RIC1: variants seen among roughly 807,000 people sequenced by gnomAD.
The protein encoded by RIC1 is RIC1 partner of RAB6A GEF complex.
RIC1 carries 88 observed loss-of-function variants against 169.0 expected under a neutral mutation model. The ratio of observed to expected loss-of-function variants is 0.52; its 90% CI spans 0.44 to 0.62. The LOEUF (loss-of-function observed/expected upper bound fraction) is 0.62. Among genes scored for constraint, RIC1 ranks in the 20% least tolerant of loss-of-function variants. RIC1 has a pLI of 0.00. For synonymous variants in RIC1, 790 were observed against 601.5 expected (o/e 1.31, Z -4.59); for missense variants, 1,877 against 1,725.5 (o/e 1.09, Z -1.56).
At chr9:5,702,580 C>A (rs1009599061) in intron 3 of RIC1, among the ~76,000 whole-genome samples, 3 of 152,090 alleles carry the variant, frequency 2.0e-5, no homozygotes, top group Admixed American at 2.0e-4. Flanking sequence ...CACTCTGTTG[C>A]CAGGCTGGAG....
At chr9:5,768,851 C>G in intron 21 of RIC1, 119 bp from the exon 22 acceptor site, 1 of 1,087,848 alleles carries the variant, frequency 9.2e-7, no homozygotes, top group South Asian at 1.6e-5. Context: ...CATTGTCAAT[C>G]AGAATTAGAT....
chr9:5,680,717 C>T (rs1028310859), intron 2 of RIC1, among the ~76,000 whole-genome samples: 3 of 150,812 alleles, frequency 2.0e-5, no homozygotes, highest in African/African-American at 4.9e-5. Flanking sequence ...TTTTTTATTG[C>T]GTCTGTTTGA....
intron 21 of RIC1, among the ~76,000 whole-genome samples, chr9:5,766,825 T>C (rs995607840): frequency 1.3e-5 from 2 of 152,242 alleles, no homozygotes; most frequent in African/African-American, 4.8e-5. Context: ...AAGTATCTTT[T>C]TTGAATGACT....
intron 7 of RIC1, among the ~76,000 whole-genome samples, chr9:5,735,084 T>A (rs1824618519): frequency 2.6e-5 from 4 of 152,206 alleles, no homozygotes; most frequent in Admixed American, 2.6e-4. Flanking sequence ...ATTATTTCTC[T>A]TTAGTTACCT....
intron 23 of RIC1, among the ~76,000 whole-genome samples, chr9:5,771,606 C>A (rs907294352): frequency 6.6e-6 from 1 of 152,032 alleles, no homozygotes; most frequent in Non-Finnish European, 1.5e-5. Flanking sequence ...CCATGTTTCC[C>A]ATAGCAACTG....
chr9:5,670,457 A>T (rs905004182), intron 2 of RIC1, among the ~76,000 whole-genome samples: 1 of 152,094 alleles, frequency 6.6e-6, no homozygotes, highest in African/African-American at 2.4e-5. Context: ...TAAAAATATA[A>T]TTTTTTATGT....
intron 2 of RIC1, among the ~76,000 whole-genome samples, chr9:5,657,734 T>C (rs920271194): frequency 6.6e-6 from 1 of 152,144 alleles, no homozygotes; most frequent in African/African-American, 2.4e-5. Flanking sequence ...CTACGCTTCC[T>C]ATAGCAGGAG....
intron 2 of RIC1, among the ~76,000 whole-genome samples, chr9:5,672,005 C>G (rs1820136696): frequency 6.6e-6 from 1 of 152,186 alleles, no homozygotes; most frequent in African/African-American, 2.4e-5. Flanking sequence ...TTAACTGCTG[C>G]GGACTTAGAG....
At chr9:5,694,944 G>C (rs560023368) in intron 3 of RIC1, among the ~76,000 whole-genome samples, 10 of 152,186 alleles carry the variant, frequency 6.6e-5, no homozygotes, top group African/African-American at 2.4e-4. Flanking sequence ...AGATACTAGA[G>C]ATCTAACAGT....
Position 5,762,624 on chromosome 9 carries a change from G to A in RIC1, c.2076G>A (p.Arg692=). 1.2e-6 allele frequency: 2 copies of A among 1,613,942 alleles called. No individual in the cohort carries two copies. Among genetic ancestry groups the A allele is most frequent in the African/African-American group, 1.3e-5 (1 of 75,020 alleles). ...MQRDRSGPQI[R]EKDSNPNNQR... is the part of the protein sequence containing the mutation. ...GGGACAGGTCAGGCCCACAGATCCG[G>A]GAGAAGGACAGTAACCCTAATAACC... Residue 692 remains arginine (R), a synonymous_variant, in exon 18 of 26, where the codon CGG becomes CGA. Coordinates refer to ENST00000414202, the MANE Select transcript of RIC1 (RefSeq NM_020829.4).
At chr9:5,635,826 A>G (rs1337533085) in intron 1 of RIC1, among the ~76,000 whole-genome samples, 2 of 152,210 alleles carry the variant, frequency 1.3e-5, no homozygotes, top group African/African-American at 4.8e-5. Flanking sequence ...CTTGCCTGCC[A>G]GCATGTAACA....
downstream of RIC1, among the ~76,000 whole-genome samples, chr9:5,777,419 A>AT (rs1291362848): frequency 7.2e-5 from 11 of 151,884 alleles, no homozygotes. Context: ...AAAAAAACAA[A>AT]TTGAGTGGTG....
chr9:5,661,529 C>T (rs1229334741), intron 2 of RIC1, among the ~76,000 whole-genome samples: 1 of 152,046 alleles, frequency 6.6e-6, no homozygotes, highest in African/African-American at 2.4e-5. Flanking sequence ...GTTTGTAGTT[C>T]CCCTTGAAGA....
intron 4 of RIC1, among the ~76,000 whole-genome samples, chr9:5,716,070 C>T (rs1169305301): frequency 6.6e-6 from 1 of 152,044 alleles, no homozygotes; most frequent in East Asian, 1.9e-4. Flanking sequence ...TCTCAAACTC[C>T]TAAGCTCAAG....
downstream of RIC1, among the ~76,000 whole-genome samples, chr9:5,778,252 A>G (rs550585444): frequency 7.2e-4 from 109 of 152,320 alleles, 2 homozygotes; most frequent in African/African-American, 2.4e-3. Context: ...GCTTCTGTAT[A>G]TTGACATTGC....
chr9:5,637,170 C>G (rs1818010785), intron 1 of RIC1, among the ~76,000 whole-genome samples: 1 of 152,170 alleles, frequency 6.6e-6, no homozygotes, highest in South Asian at 2.1e-4. Context: ...AGCAGCTGTC[C>G]TGCTTCAGCC....
chr9:5,703,293 G>A (rs1200799820), intron 3 of RIC1, among the ~76,000 whole-genome samples: 1 of 152,198 alleles, frequency 6.6e-6, no homozygotes, highest in Non-Finnish European at 1.5e-5. Context: ...TAAGCCCCGT[G>A]CAGATCTGAA....
intron 2 of RIC1, among the ~76,000 whole-genome samples, chr9:5,685,831 G>C (rs1180046782): frequency 7.3e-6 from 1 of 136,564 alleles, no homozygotes; most frequent in African/African-American, 2.6e-5. Flanking sequence ...CCATCAGAGT[G>C]AACAGGCAAC....
At chr9:5,750,290 T>G (rs1443542011) in intron 12 of RIC1, among the ~76,000 whole-genome samples, 2 of 151,948 alleles carry the variant, frequency 1.3e-5, no homozygotes, top group Admixed American at 1.3e-4. Flanking sequence ...CATTTACTTC[T>G]GAAAGGTACA....
Sources: allele counts gnomAD v4.1 joint callset (sites outside exome capture counted in the v4.1 genomes callset), GRCh38; gene constraint gnomAD v4.1.1; transcripts MANE v1.5; gene names NCBI Gene and HGNC (gene_info 2026-07-23, HGNC 2026-07-21).